MYT1L: variants seen among roughly 807,000 people sequenced by gnomAD.
MYT1L encodes the protein myelin transcription factor 1-like protein.
A neutral mutation model predicts 126.7 loss-of-function variants in MYT1L; 12 were observed. The ratio of observed to expected loss-of-function variants is 0.09; its 90% CI spans 0.06 to 0.15. The LOEUF (loss-of-function observed/expected upper bound fraction) is 0.15, where lower values mean the gene tolerates loss of function less well. Among genes scored for constraint, MYT1L ranks in the 10% least tolerant of loss-of-function variants. The pLI, the probability that MYT1L is intolerant of heterozygous loss-of-function variation, is 1.00. For synonymous variants in MYT1L, 541 were observed against 604.2 expected (o/e 0.90, Z 1.53); for missense variants, 979 against 1,585.2 (o/e 0.62, Z 6.49).
intron 8 of MYT1L, among the ~76,000 whole-genome samples, chr2:1,956,057 C>T (rs569801883): frequency 6.6e-6 from 1 of 152,108 alleles, no homozygotes; most frequent in East Asian, 1.9e-4. Flanking sequence ...ATGTATCTAT[C>T]TATCTATCTA....
At chr2:1,903,552 T>C (rs956983908) in intron 13 of MYT1L, among the ~76,000 whole-genome samples, 1 of 152,182 alleles carries the variant, frequency 6.6e-6, no homozygotes, top group African/African-American at 2.4e-5. Flanking sequence ...TGTCCTTTTT[T>C]CCCTCTTTCC....
At chr2:2,040,629 T>C (rs1204350366) in intron 4 of MYT1L, among the ~76,000 whole-genome samples, 1 of 152,206 alleles carries the variant, frequency 6.6e-6, no homozygotes, top group Non-Finnish European at 1.5e-5. Flanking sequence ...TATGCCCTTA[T>C]AATTAGACAC....
At chr2:2,101,229 T>C (rs551718493) in intron 3 of MYT1L, among the ~76,000 whole-genome samples, 6 of 152,290 alleles carry the variant, frequency 3.9e-5, no homozygotes, top group African/African-American at 1.4e-4. Context: ...TAGTAGATAC[T>C]TTTTTCTCAC....
chr2:1,796,160 A>G (rs1422328173), intron 23 of MYT1L, among the ~76,000 whole-genome samples: 1 of 152,274 alleles, frequency 6.6e-6, no homozygotes, highest in African/African-American at 2.4e-5. Flanking sequence ...TGAGGCTGTC[A>G]CACTGCAACA....
chr2:1,807,190 G>GC (rs1353035896), intron 22 of MYT1L, among the ~76,000 whole-genome samples: 2 of 152,232 alleles, frequency 1.3e-5, no homozygotes, highest in Admixed American at 6.5e-5. Context: ...ATGTCAAGAA[G>GC]CTGATGACCT....
chr2:2,013,093 C>G (rs2064000537), intron 4 of MYT1L, among the ~76,000 whole-genome samples: 1 of 152,124 alleles, frequency 6.6e-6, no homozygotes, highest in Non-Finnish European at 1.5e-5. Context: ...GATTCTAGAA[C>G]CCACTGAAGT....
intron 8 of MYT1L, among the ~76,000 whole-genome samples, chr2:1,956,439 TACCTATC>T (rs1331842694): frequency 3.1e-4 from 34 of 108,954 alleles, no homozygotes; most frequent in South Asian, 1.4e-3. Context: ...TCTATCTATC[TACCTATC>T]ATCTATCTAT....
chr2:2,222,065 T>G (rs2093888676), intron 2 of MYT1L, among the ~76,000 whole-genome samples: 2 of 152,212 alleles, frequency 1.3e-5, no homozygotes, highest in South Asian at 2.1e-4. Flanking sequence ...GGTAAATCCA[T>G]TTTTCTACAC....
chr2:1,916,995 C>T (rs964472379), intron 11 of MYT1L, among the ~76,000 whole-genome samples: 4 of 152,152 alleles, frequency 2.6e-5, no homozygotes, highest in African/African-American at 4.8e-5. Flanking sequence ...TTGTTAGGGG[C>T]GGTGGGCTTC....
rs1391938640 is a variant in MYT1L at position 1,806,307 on chromosome 2, A to G, written c.3172+2769T>C. Among the ~76,000 whole-genome samples, 3 of 152,138 alleles carry G rather than the reference A, an allele frequency of 2.0e-5. No homozygotes were observed. The highest frequency in any genetic ancestry group is 7.2e-5 in the African/African-American group (3 of 41,438). On this transcript the variant is annotated intron_variant, in intron 22 of 24. Coordinates refer to ENST00000647738, the MANE Select transcript of MYT1L (RefSeq NM_001303052.2). This position sits in a 1 kb window ranked among gnomAD's most constrained non-coding sequence, Gnocchi z 4.9. ...GACCTGCAGCTCCTCTTTTTTACCC[A>G]TGGACGTGCGTGCATTAGGATCTGC...
chr2:2,308,146 C>T (rs1348505225), intron 1 of MYT1L, among the ~76,000 whole-genome samples: 2 of 151,510 alleles, frequency 1.3e-5, no homozygotes, highest in African/African-American at 4.9e-5. Flanking sequence ...CACTTCAGCA[C>T]ATTCTACCCA....
intron 21 of MYT1L, among the ~76,000 whole-genome samples, chr2:1,813,795 A>C (rs925539158): frequency 1.3e-5 from 2 of 148,794 alleles, no homozygotes; most frequent in African/African-American, 2.5e-5. Context: ...TGGGAGGCCG[A>C]GGCGGGCGGA....
At chr2:2,197,192 ATTGT>A (rs1393931145) in intron 2 of MYT1L, among the ~76,000 whole-genome samples, 1 of 152,164 alleles carries the variant, frequency 6.6e-6, no homozygotes, top group Non-Finnish European at 1.5e-5. Context: ...TCTAGTCTGA[ATTGT>A]TTGTTTTAGA....
chr2:2,240,256 G>A (rs1177015724), intron 2 of MYT1L, among the ~76,000 whole-genome samples: 1 of 152,100 alleles, frequency 6.6e-6, no homozygotes, highest in Non-Finnish European at 1.5e-5. Flanking sequence ...TCATAGCATT[G>A]TGCTCCAGCC....
At chr2:1,901,017 C>T (rs2050273296) in intron 14 of MYT1L, among the ~76,000 whole-genome samples, 1 of 152,232 alleles carries the variant, frequency 6.6e-6, no homozygotes, top group Non-Finnish European at 1.5e-5. Flanking sequence ...CAGCAGAGGA[C>T]ACTCTTGCTT....
rs114258967 is a variant in MYT1L, at chr2:2,155,149, A to G, written c.-304+17723T>C. On this transcript the variant is annotated intron_variant, in intron 3 of 24. Transcript: ENST00000647738. ...TCTCAATCAATCAATCAATCAATCA[A>G]TCAATGCCAGAGTTAAATTCATAGA... Among the ~76,000 whole-genome samples the G allele has an allele frequency of 3.1e-3, 463 of 151,134 alleles. 3 individuals are homozygous for G. The highest frequency in any genetic ancestry group is 0.011 in the African/African-American group (452 of 41,440).
intron 18 of MYT1L, among the ~76,000 whole-genome samples, chr2:1,878,789 G>A (rs947435818): frequency 9.2e-5 from 14 of 152,188 alleles, no homozygotes; most frequent in African/African-American, 2.6e-4. Flanking sequence ...AAAACATCAG[G>A]TAAGTGTGGG....
intron 3 of MYT1L, among the ~76,000 whole-genome samples, chr2:2,161,066 C>A (rs1436971933): frequency 6.6e-6 from 1 of 151,970 alleles, no homozygotes. Context: ...AAAAAAAATA[C>A]AAAAACTAGC....
chr2:2,198,811 A>G (rs2092934639), intron 2 of MYT1L, among the ~76,000 whole-genome samples: 1 of 152,108 alleles, frequency 6.6e-6, no homozygotes, highest in African/African-American at 2.4e-5. Context: ...TGAGCACTGC[A>G]CTCCAGCCTG....
Sources: gnomAD v4.1 joint callset for allele counts (sites outside exome capture counted in the v4.1 genomes callset) on GRCh38, gnomAD v4.1.1 for gene constraint, Gnocchi (gnomAD v3.1) non-coding constraint, MANE v1.5 for transcripts, NCBI Gene and HGNC (gene_info 2026-07-23, HGNC 2026-07-21) for gene names.